Variants in FAM83E observed in about 807,000 individuals in gnomAD.
FAM83E encodes protein FAM83E.
Under a neutral mutation model 34.3 loss-of-function variants are expected in FAM83E, and 29 were observed. That is an observed-to-expected ratio of 0.85 (90% confidence interval 0.63 to 1.15). The LOEUF is 1.15. FAM83E is among the 50% of genes most tolerant of loss of function. The pLI, the probability that FAM83E is intolerant of heterozygous loss-of-function variation, is 0.00. For missense variants in FAM83E, 697 were observed against 685.0 expected, an observed-to-expected ratio of 1.02 and a Z score of -0.20; for synonymous variants, 312 against 311.6, an observed-to-expected ratio of 1.00 and a Z score of -0.01.
chr19:48,610,398 C>CAAAAAAAAAAAAAAAAAAAAAA (rs71179016), intron 4 of FAM83E, among the ~76,000 whole-genome samples: 1 of 31,334 alleles, frequency 3.2e-5, no homozygotes, highest in Admixed American at 3.2e-4. Context: ...CACTCCGTCT[C>CAAAAAAAAAAAAAAAAAAAAAA]AAAAAAAAAA....
At position 48,603,651 on chromosome 19, in the gene FAM83E, C is replaced by T. The variant is rs751307477; in HGVS notation, c.1019G>A (p.Arg340His). The T allele has an allele frequency of 9.8e-6, 13 of 1,328,742 alleles. No individual in the cohort carries two copies. The highest frequency in any genetic ancestry group is 2.7e-4 in the Middle Eastern group (1 of 3,642). 82.3% of individuals were successfully genotyped at this position (1,328,742 alleles called of 1,614,324 possible). Residue 340 changes from arginine (R) to histidine (H), a missense_variant, in exon 6 of 7, where the codon CGC (arginine) becomes CAC (histidine). By Grantham distance (29) the Arg-to-His change is conservative. Transcript: ENST00000263266. ...GPLAHRLAACRVSPATPGPAL... is the reference protein window; with the variant it reads ...GPLAHRLAACHVSPATPGPAL... ...CGGCCCCGGGGTAGCAGGGGAGACG[C>T]GGCAGGCGGCCAGGCGGTGGGCCAG... is the stretch of plus-strand genomic sequence containing the variant.
At chr19:48,612,771 G>A in intron 3 of FAM83E, 137 bp downstream of exon 3, 1 of 989,760 alleles carries the variant, frequency 1.0e-6, no homozygotes, top group Non-Finnish European at 1.4e-6. Flanking sequence ...GCTGGAAGGT[G>A]TGCACTCCTG....
Position 48,601,050 on chromosome 19 carries a change from C to G in FAM83E, c.*59G>C, listed in dbSNP as rs1314046606. On this transcript the variant is annotated 3_prime_UTR_variant, in exon 7 of 7. Transcript: ENST00000263266. Reference sequence around the variant, plus strand: ...GGGCATTGAGGCAGAGGGCTCTGAGCCGACAGTTGTCCGGCACTGCTCCTT... The same window carrying G: ...GGGCATTGAGGCAGAGGGCTCTGAGGCGACAGTTGTCCGGCACTGCTCCTT... 7.1e-6 allele frequency: 11 copies of G among 1,545,868 alleles called. No homozygotes were observed. In the Admixed American group the frequency reaches 2.2e-4, roughly 31 times the overall value.
chr19:48,607,352 G>C, intron 5 of FAM83E: 1 of 1,582,332 alleles, frequency 6.3e-7, no homozygotes, highest in South Asian at 1.1e-5. Context: ...CGTTTGCTGT[G>C]ACCAACAGGG....
intron 5 of FAM83E, among the ~76,000 whole-genome samples, chr19:48,605,989 C>T (rs948443151): frequency 6.6e-6 from 1 of 152,148 alleles, no homozygotes; most frequent in Non-Finnish European, 1.5e-5. Context: ...CTAACACTTC[C>T]TGTCATCACA....
intron 5 of FAM83E, chr19:48,606,607 G>T: frequency 3.9e-6 from 1 of 259,468 alleles, no homozygotes; most frequent in Non-Finnish European, 7.5e-6. Context: ...CCTTGGCAGG[G>T]ATGGCAGAGC....
rs1184827601 is a variant in FAM83E at position 48,600,428 on chromosome 19, C to T, written c.*681G>A. Reference sequence around the variant, plus strand: ...TCAGCTCACTGCAACCTCCGCCTCCCGGGTTCAAGCAATTCTCCCGTCTCA... The same window carrying T: ...TCAGCTCACTGCAACCTCCGCCTCCTGGGTTCAAGCAATTCTCCCGTCTCA... On this transcript the variant is annotated 3_prime_UTR_variant, in exon 7 of 7. Coordinates refer to ENST00000263266, the MANE Select transcript of FAM83E (RefSeq NM_017708.4). 1.3e-5 allele frequency among the ~76,000 whole-genome samples: 2 copies of T among 151,566 alleles called. No homozygotes were observed. The highest frequency in any genetic ancestry group is 6.6e-5 in the Admixed American group (1 of 15,224).
At chr19:48,605,568 CTATT>C (rs1457417181) in intron 5 of FAM83E, among the ~76,000 whole-genome samples, 4 of 133,208 alleles carry the variant, frequency 3.0e-5, no homozygotes, top group Non-Finnish European at 4.6e-5. Context: ...GAGCAAGATC[CTATT>C]TTTTTTTTTT....
Position 48,600,917 on chromosome 19 carries a change from T to C in FAM83E, c.*192A>G, listed in dbSNP as rs1046330498. The C allele has an allele frequency of 7.8e-7, 1 of 1,278,210 alleles. No homozygotes were observed. The highest frequency in any genetic ancestry group is 1.0e-6 in the Non-Finnish European group (1 of 980,938). 79.2% of individuals were successfully genotyped at this position (1,278,210 alleles called of 1,614,324 possible). ...ACCCTCCCACCTTAGCCTCCCAAAG[T>C]GCAGGGATTACAGGCATGAGCCACC... is the stretch of plus-strand genomic sequence containing the variant. On this transcript the variant is annotated 3_prime_UTR_variant, in exon 7 of 7. Transcript: ENST00000263266.
At chr19:48,603,939 G>C (rs1208504426) in intron 5 of FAM83E, 28 bp from the exon 6 acceptor site, 1 of 1,584,910 alleles carries the variant, frequency 6.3e-7, no homozygotes, top group East Asian at 2.4e-5. Context: ...GGGGGTCAGA[G>C]TCTCCAACCC....
At chr19:48,611,355 A>G (rs1044946374) in intron 3 of FAM83E, among the ~76,000 whole-genome samples, 6 of 150,678 alleles carry the variant, frequency 4.0e-5, no homozygotes, top group African/African-American at 1.5e-4. Context: ...TTTTTAGTAG[A>G]GATGGGCTTT....
At position 48,601,388 on chromosome 19, in the gene FAM83E, G is replaced by A. The variant is rs776375524; in HGVS notation, c.1177-19C>T. 37 of 1,555,490 alleles carry A rather than the reference G, an allele frequency of 2.4e-5. No homozygotes were observed. The highest frequency in any genetic ancestry group is 3.2e-5 in the Non-Finnish European group (37 of 1,149,166). On this transcript the variant is annotated intron_variant, in intron 6 of 6. Transcript: ENST00000263266. ...TCTTGAGCTGTGGAGGGAAAGAGAG[G>A]GAGGTGAGAGGAGGCTGGGGTGGGG...
chr19:48,610,627 G>T lies in FAM83E; in HGVS notation c.633+53C>A. On this transcript the variant is annotated intron_variant, in intron 4 of 6. Coordinates refer to ENST00000263266, the MANE Select transcript of FAM83E (RefSeq NM_017708.4). ...CTCCATGGAAGGGTCTGCCCCCACT[G>T]CCCCCATGCCAGGGGAATGGGGACT... 5.3e-6 allele frequency: 8 copies of T among 1,521,192 alleles called. No individual in the cohort carries two copies. The highest frequency in any genetic ancestry group is 7.1e-6 in the Non-Finnish European group (8 of 1,129,810). The allele number at this position is 1,521,192 out of a possible 1,614,324, so 94.2% of individuals were successfully genotyped here.
At chr19:48,602,141 CAAAAAAAAA>C (rs35272146) in intron 6 of FAM83E, among the ~76,000 whole-genome samples, 4 of 41,560 alleles carry the variant, frequency 9.6e-5, no homozygotes, top group East Asian at 8.8e-4. Context: ...GACCCTATCT[CAAAAAAAAA>C]AAAAAAAAAA....
chr19:48,604,554 A>G (rs1973891296), intron 5 of FAM83E, among the ~76,000 whole-genome samples: 1 of 148,014 alleles, frequency 6.8e-6, no homozygotes, highest in Non-Finnish European at 1.5e-5. Flanking sequence ...CTGGTCTCGA[A>G]CCCCTGACCT....
At chr19:48,602,828 A>T (rs201508412) in intron 6 of FAM83E, among the ~76,000 whole-genome samples, 131 of 9,668 alleles carry the variant, frequency 0.014, 1 homozygote, top group East Asian at 0.12. Flanking sequence ...TTTATTGTTT[A>T]TTATTATTAT....
At chr19:48,602,141 CAAAAAAAAAAAAAAA>C (rs35272146) in intron 6 of FAM83E, among the ~76,000 whole-genome samples, 1 of 41,560 alleles carries the variant, frequency 2.4e-5, no homozygotes, top group Non-Finnish European at 4.0e-5. Flanking sequence ...GACCCTATCT[CAAAAAAAAAAAAAAA>C]AAAAAAAAAT....
chr19:48,612,898 C>CG lies in FAM83E; in HGVS notation c.465+9dup. On this transcript the variant is annotated intron_variant, in intron 3 of 6. Transcript: ENST00000263266. ...CTGGTGAATGGACACAGGGCCCCCG[C>CG]GACACCCACCTTGTGGGCAGCCTGG... The CG allele has an allele frequency of 6.6e-7, 1 of 1,523,232 alleles. No individual in the cohort carries two copies. Among genetic ancestry groups the CG allele is most frequent in the Admixed American group, 2.0e-5 (1 of 49,482 alleles). 94.4% of individuals were successfully genotyped at this position (1,523,232 alleles called of 1,614,324 possible).
chr19:48,601,736 G>T (rs1185577361), intron 6 of FAM83E, among the ~76,000 whole-genome samples: 1 of 151,134 alleles, frequency 6.6e-6, no homozygotes, highest in African/African-American at 2.4e-5. Flanking sequence ...CCGCACTCCA[G>T]CCTGGGCATC....
Sources: gnomAD v4.1 joint callset for allele counts (sites outside exome capture counted in the v4.1 genomes callset) on GRCh38, gnomAD v4.1.1 for gene constraint, MANE v1.5 for transcripts, NCBI Gene and HGNC (gene_info 2026-07-23, HGNC 2026-07-21) for gene names.